The following HDAC9 variants were observed in gnomAD, a reference collection of about 807,000 sequenced individuals.
The protein encoded by HDAC9 is MEF-2 interacting transcription repressor (MITR) protein.
In HDAC9, 41 loss-of-function variants were observed where a neutral mutation model predicts 139.4. The observed-to-expected ratio is 0.29, with a 90% CI of 0.23 to 0.38. The LOEUF is 0.38. HDAC9 is among the 10% of genes least tolerant of loss of function. The pLI, the probability that HDAC9 is intolerant of heterozygous loss-of-function variation, is 1.00. For missense variants in HDAC9, 1,147 were observed against 1,297.0 expected (o/e 0.88, Z 1.78); for synonymous variants, 517 against 476.2 (o/e 1.09, Z -1.12).
intron 12 of HDAC9, among the ~76,000 whole-genome samples, chr7:18,688,451 C>A (rs1216272783): frequency 6.6e-6 from 1 of 151,866 alleles, no homozygotes; most frequent in East Asian, 1.9e-4. Context: ...CATTTTCCAA[C>A]CAATTATTTT....
chr7:18,277,810 G>A (rs1210088399), intron 2 of HDAC9, among the ~76,000 whole-genome samples: 1 of 152,124 alleles, frequency 6.6e-6, no homozygotes, highest in East Asian at 1.9e-4. Context: ...TAATTAATAG[G>A]AAATGCTTTG....
chr7:18,684,801 T>C (rs954068042), intron 12 of HDAC9, among the ~76,000 whole-genome samples: 1 of 151,980 alleles, frequency 6.6e-6, no homozygotes, highest in African/African-American at 2.4e-5. Flanking sequence ...TATTTATGAG[T>C]GAACTTTTTT....
At chr7:18,577,150 A>T (rs1252355067) in intron 2 of HDAC9, among the ~76,000 whole-genome samples, 1 of 152,184 alleles carries the variant, frequency 6.6e-6, no homozygotes, top group African/African-American at 2.4e-5. Context: ...TTGTAAGGGA[A>T]TAAACTCAGA....
chr7:18,904,261 T>A (rs1415488868), intron 22 of HDAC9, among the ~76,000 whole-genome samples: 1 of 152,164 alleles, frequency 6.6e-6, no homozygotes, highest in Non-Finnish European at 1.5e-5. Context: ...AGAGATACAT[T>A]CTTCTTCCCA....
intron 12 of HDAC9, among the ~76,000 whole-genome samples, chr7:18,712,707 T>C (rs1784432500): frequency 1.3e-5 from 2 of 152,222 alleles, no homozygotes; most frequent in African/African-American, 2.4e-5. Flanking sequence ...AATAATTGAA[T>C]ATAACCACTT....
At chr7:18,204,280 T>C (rs1791341008) in intron 2 of HDAC9, among the ~76,000 whole-genome samples, 1 of 151,746 alleles carries the variant, frequency 6.6e-6, no homozygotes, top group Non-Finnish European at 1.5e-5. Context: ...GACAGATTTA[T>C]AAAGTTTTGC....
intron 13 of HDAC9, among the ~76,000 whole-genome samples, chr7:18,737,546 G>T (rs899361769): frequency 1.3e-5 from 2 of 152,086 alleles, no homozygotes; most frequent in African/African-American, 4.8e-5. Context: ...GTCCAGTTTT[G>T]ATTAGAATAT....
chr7:18,785,143 G>A (rs908297755), intron 16 of HDAC9, among the ~76,000 whole-genome samples: 1 of 152,032 alleles, frequency 6.6e-6, no homozygotes, highest in Admixed American at 6.6e-5. Flanking sequence ...ATGAAGCAAA[G>A]GAATGGGAAG....
intron 8 of HDAC9, among the ~76,000 whole-genome samples, chr7:18,635,747 C>T (rs1343457917): frequency 6.6e-6 from 1 of 152,016 alleles, no homozygotes. Context: ...TACCTTGAGA[C>T]AGAAAGGGAC....
intron 19 of HDAC9, among the ~76,000 whole-genome samples, chr7:18,832,743 T>A (rs28490273): frequency 1.4e-4 from 19 of 132,712 alleles, no homozygotes; most frequent in South Asian, 1.1e-3. Flanking sequence ...ATATATATTT[T>A]TTTTTTCTTG....
chr7:18,866,494 C>A (rs1798508914), intron 21 of HDAC9, among the ~76,000 whole-genome samples: 1 of 152,134 alleles, frequency 6.6e-6, no homozygotes, highest in South Asian at 2.1e-4. Context: ...CTCTGTCCCT[C>A]AGTACACTGT....
intron 1 of HDAC9, among the ~76,000 whole-genome samples, chr7:18,294,035 GTCT>G (rs1797985505): frequency 6.6e-6 from 1 of 152,062 alleles, no homozygotes; most frequent in Non-Finnish European, 1.5e-5. Flanking sequence ...GATGAATTCT[GTCT>G]TCATTTGTTC....
Position 19,002,313 on chromosome 7 carries a change from G to A in HDAC9, c.*6251G>A, listed in dbSNP as rs1391939596. ...TTATTGTTGGTGTTGTTAATGTCAT[G>A]ACTCTCCTTTGAATAGAATAAAATA... On this transcript the variant is annotated 3_prime_UTR_variant, in exon 26 of 26. Transcript: ENST00000686413. 5 of 151,994 alleles carry A rather than the reference G, an allele frequency of 3.3e-5. No individual in the cohort carries two copies. Among genetic ancestry groups the A allele is most frequent in the Non-Finnish European group, 7.4e-5 (5 of 67,930 alleles). 9.4% of individuals were successfully genotyped at this position (151,994 alleles called of 1,614,324 possible). A position where few individuals can be genotyped will look rare whatever the true frequency, so the allele number is the denominator to read the frequency against.
At chr7:18,523,192 G>A (rs1805635066) in intron 2 of HDAC9, among the ~76,000 whole-genome samples, 1 of 152,192 alleles carries the variant, frequency 6.6e-6, no homozygotes. Context: ...TCCATGCAAA[G>A]CTAGTGACTT....
At chr7:18,889,448 A>T (rs1563025879) in intron 22 of HDAC9, among the ~76,000 whole-genome samples, 1 of 152,140 alleles carries the variant, frequency 6.6e-6, no homozygotes, top group East Asian at 1.9e-4. Context: ...ATTTAAAAAA[A>T]AATGATCTAT....
chr7:18,938,380 G>C (rs918892414), intron 23 of HDAC9, among the ~76,000 whole-genome samples: 4 of 152,194 alleles, frequency 2.6e-5, no homozygotes, highest in Admixed American at 6.5e-5. Context: ...TGGATCACGA[G>C]GTCATGAGAT....
At position 18,166,772 on chromosome 7, in the gene HDAC9, C is replaced by T. The variant is rs180756754; in HGVS notation, c.25+4423C>T. ...TCACCATTTTTACTCCAGTGCATTA[C>T]CCACAGTGGTGCCATTTAGCCATTA... On this transcript the variant is annotated intron_variant, in intron 2 of 12. Coordinates refer to the HDAC9 transcript ENST00000417496. 1.3e-4 allele frequency among the ~76,000 whole-genome samples: 20 copies of T among 152,260 alleles called. No individual in the cohort carries two copies. The East Asian group carries it at 1.7e-3, about 13-fold the overall frequency.
chr7:18,806,268 C>G (rs540604718), intron 17 of HDAC9, among the ~76,000 whole-genome samples: 3 of 152,290 alleles, frequency 2.0e-5, no homozygotes, highest in East Asian at 1.9e-4. Context: ...TAAAACAATG[C>G]AAATTTATTC....
intron 1 of HDAC9, among the ~76,000 whole-genome samples, chr7:18,314,677 A>G (rs1251576393): frequency 6.6e-6 from 1 of 152,176 alleles, no homozygotes; most frequent in Non-Finnish European, 1.5e-5. Context: ...GTGAGATTTT[A>G]TTCTAGCTCC....
Sources: gnomAD v4.1 joint callset for allele counts (sites outside exome capture counted in the v4.1 genomes callset) on GRCh38, gnomAD v4.1.1 for gene constraint, MANE v1.5 for transcripts, NCBI Gene and HGNC (gene_info 2026-07-23, HGNC 2026-07-21) for gene names.